TNKS: variants seen among roughly 807,000 people sequenced by gnomAD.
The protein encoded by TNKS is tankyrase.
Under a neutral mutation model 135.8 loss-of-function variants are expected in TNKS, and 72 were observed. That is an observed-to-expected ratio of 0.53 (90% CI 0.44 to 0.64). The LOEUF is 0.64. Ranked by LOEUF, TNKS falls within the 30% of genes least tolerant of loss-of-function variation. The pLI is 0.00. For missense variants in TNKS, 1,769 were observed against 1,674.0 expected (o/e 1.06, Z -0.99); for synonymous variants, 849 against 649.3 (o/e 1.31, Z -4.68).
At chr8:9,586,159 A>G (rs1179158848) in intron 2 of TNKS, among the ~76,000 whole-genome samples, 1 of 152,172 alleles carries the variant, frequency 6.6e-6, no homozygotes, top group East Asian at 1.9e-4. Flanking sequence ...CTTGTATTAC[A>G]TTATATTGTT....
chr8:9,725,220 A>G (rs4841203), intron 12 of TNKS, among the ~76,000 whole-genome samples: 89,603 of 152,026 alleles, frequency 0.59, 26,740 homozygotes, highest in Middle Eastern at 0.71. Context: ...ATTGACCCCA[A>G]TACATAGTGG....
intron 26 of TNKS, among the ~76,000 whole-genome samples, chr8:9,776,265 CA>C (rs1216792221): frequency 1.3e-5 from 2 of 152,140 alleles, no homozygotes; most frequent in Non-Finnish European, 2.9e-5. Context: ...CTGGATTCAG[CA>C]AAATTTTTCT....
intron 2 of TNKS, among the ~76,000 whole-genome samples, chr8:9,605,236 A>C (rs1318469905): frequency 1.3e-5 from 2 of 152,016 alleles, no homozygotes; most frequent in Admixed American, 1.3e-4. Flanking sequence ...ATTATAGATT[A>C]ATTTTCCCTT....
intron 12 of TNKS, among the ~76,000 whole-genome samples, chr8:9,725,551 G>A (rs560688429): frequency 5.3e-5 from 8 of 152,098 alleles, no homozygotes; most frequent in Admixed American, 2.0e-4. Context: ...CTTGGACATT[G>A]GGCTCAAAAA....
chr8:9,615,088 C>T (rs566054592), intron 2 of TNKS, among the ~76,000 whole-genome samples: 1 of 152,214 alleles, frequency 6.6e-6, no homozygotes, highest in South Asian at 2.1e-4. Flanking sequence ...GGAAGCCATC[C>T]AGTATGTTAT....
rs777053388 is a variant in TNKS at position 9,751,797 on chromosome 8, C to T, written c.3021C>T (p.Ala1007=). 1 of 1,614,182 alleles carries T rather than the reference C, an allele frequency of 6.2e-7. No individual in the cohort carries two copies. The highest frequency in any genetic ancestry group is 8.5e-7 in the Non-Finnish European group (1 of 1,180,030). The change falls in exon 19 of 27, where the codon GCC becomes GCT. Residue 1007 remains alanine, a synonymous_variant. Transcript: ENST00000310430. ...TAGCAGAGTTGGCCGTAGGAGGAGC[C>T]TCCAATGCAGGGGATGGCGCCGCGG... ...GPLAELAVGG[A]SNAGDGAAGT...
intron 3 of TNKS, among the ~76,000 whole-genome samples, chr8:9,623,082 T>C (rs1416645924): frequency 2.0e-5 from 3 of 152,212 alleles, no homozygotes; most frequent in Admixed American, 6.5e-5. Flanking sequence ...CAATATCTAA[T>C]TGTACTGTAT....
chr8:9,565,271 T>TTATG (rs1188849753), intron 1 of TNKS, among the ~76,000 whole-genome samples: 3 of 152,014 alleles, frequency 2.0e-5, no homozygotes, highest in African/African-American at 7.2e-5. Context: ...TTTAGACAAG[T>TTATG]TATTTATTTA....
In TNKS at chr8:9,556,538, G is replaced by A. The variant is rs1815316282; in HGVS notation, c.599G>A (p.Arg200Lys). The A allele has an allele frequency of 6.2e-7, 1 of 1,614,112 alleles. No individual in the cohort carries two copies. Among genetic ancestry groups the A allele is most frequent in the Admixed American group, 1.7e-5 (1 of 60,010 alleles). The part of the protein sequence containing the change: ...CRNGDVSRVK[R>K]LVDAANVNAK... ...AATGGGGACGTGTCCCGGGTAAAGA[G>A]GCTGGTGGACGCGGCAAACGTAAAT... The change falls in exon 1 of 27, where the codon AGG (arginine) becomes AAG (lysine). Residue 200 changes from arginine to lysine, a missense_variant. Around this residue, in one of 5 missense-constraint regions of TNKS, gnomAD observed 450 missense variants for 304.9 expected, o/e 1.48. Coordinates refer to ENST00000310430, the MANE Select transcript of TNKS (RefSeq NM_003747.3).
chr8:9,772,987 G>GTACCATTTTAATTTTTGCAACTTACT (rs1808021690), intron 26 of TNKS, among the ~76,000 whole-genome samples: 1 of 150,750 alleles, frequency 6.6e-6, no homozygotes, highest in Non-Finnish European at 1.5e-5. Flanking sequence ...GCTGTTTTTG[G>GTACCATTTTAATTTTTGCAACTTACT]TACCATTTTA....
intron 2 of TNKS, among the ~76,000 whole-genome samples, chr8:9,587,462 C>G (rs1317397485): frequency 6.6e-6 from 1 of 151,038 alleles, no homozygotes; most frequent in African/African-American, 2.4e-5. Flanking sequence ...TGCAGTGGCA[C>G]AGTCTCGGCT....
intron 20 of TNKS, among the ~76,000 whole-genome samples, chr8:9,761,230 T>TAATC (rs1807132964): frequency 6.6e-6 from 1 of 152,214 alleles, no homozygotes; most frequent in Non-Finnish European, 1.5e-5. Context: ...TAGAACAAAA[T>TAATC]AATCTAAAGG....
At chr8:9,743,386 C>G (rs1449975012) in intron 17 of TNKS, 2 of 152,136 alleles carry the variant, frequency 1.3e-5, no homozygotes, top group African/African-American at 4.8e-5. Flanking sequence ...TATCTGGGAT[C>G]TAGTCTTTCC....
At chr8:9,711,093 A>T (rs1373102335) in intron 11 of TNKS, among the ~76,000 whole-genome samples, 2 of 152,162 alleles carry the variant, frequency 1.3e-5, no homozygotes, top group Non-Finnish European at 2.9e-5. Context: ...TTTCATTCTC[A>T]AGAATGTATA....
chr8:9,690,111 C>T (rs146104786), intron 5 of TNKS, among the ~76,000 whole-genome samples: 1 of 152,292 alleles, frequency 6.6e-6, no homozygotes, highest in African/African-American at 2.4e-5. Flanking sequence ...AGCTATTTCT[C>T]ATTCGATGAT....
chr8:9,678,079 G>A (rs1802621312), intron 3 of TNKS, among the ~76,000 whole-genome samples: 1 of 152,074 alleles, frequency 6.6e-6, no homozygotes, highest in Non-Finnish European at 1.5e-5. Context: ...TTATTTATTT[G>A]TCTGTCTCCT....
At chr8:9,658,730 A>G (rs1801547440) in intron 3 of TNKS, among the ~76,000 whole-genome samples, 1 of 152,234 alleles carries the variant, frequency 6.6e-6, no homozygotes, top group Non-Finnish European at 1.5e-5. Context: ...ATTCACACAT[A>G]ACAGTATTAA....
At chr8:9,587,699 G>A (rs1798441363) in intron 2 of TNKS, among the ~76,000 whole-genome samples, 1 of 152,164 alleles carries the variant, frequency 6.6e-6, no homozygotes, top group South Asian at 2.1e-4. Flanking sequence ...ACTGCGCCTG[G>A]CCGACACTTT....
chr8:9,671,618 G>A (rs1802273379), intron 3 of TNKS, among the ~76,000 whole-genome samples: 1 of 152,174 alleles, frequency 6.6e-6, no homozygotes, highest in Non-Finnish European at 1.5e-5. Flanking sequence ...GTAGGCGATT[G>A]ATTTCAGAGG....
Sources: gnomAD v4.1 joint callset for allele counts (sites outside exome capture counted in the v4.1 genomes callset) on GRCh38, gnomAD v4.1.1 for gene constraint, gnomAD v4.1.1 regional missense constraint, MANE v1.5 for transcripts, NCBI Gene and HGNC (gene_info 2026-07-23, HGNC 2026-07-21) for gene names.